Variants in DIS3 observed in about 807,000 individuals in gnomAD.
The protein encoded by DIS3 is exosome complex exonuclease RRP44.
A neutral mutation model predicts 113.0 loss-of-function variants in DIS3; 103 were observed. The observed-to-expected ratio is 0.91, with a 90% confidence interval of 0.78 to 1.07. DIS3 has a LOEUF of 1.07. DIS3 is among the 50% of genes least tolerant of loss of function. The pLI, the probability that DIS3 is intolerant of heterozygous loss-of-function variation, is 0.00. For missense variants in DIS3, 1,121 were observed against 1,167.1 expected, an observed-to-expected ratio of 0.96 and a Z score of 0.58; for synonymous variants, 402 against 394.3, an observed-to-expected ratio of 1.02 and a Z score of -0.23.
intron 14 of DIS3, 87 bp from the exon 15 acceptor site, chr13:72,766,145 G>A (rs1219564096): frequency 1.2e-5 from 13 of 1,127,932 alleles, no homozygotes; most frequent in Non-Finnish European, 8.7e-6. Flanking sequence ...AAAAGACAAT[G>A]ACTACAGCAA....
chr13:72,780,898 C>T lies in DIS3; in HGVS notation c.334G>A (p.Val112Met), dbSNP rs754958177. ...SAPVYKRIRD[V>M]TNNQEKHFYT... ...AAATGCTTCTCTTGGTTATTAGTCA[C>T]ATCTCGGATGCGTTTATATACGGGG... is the stretch of plus-strand genomic sequence containing the variant. Residue 112 changes from valine to methionine, a missense_variant, in exon 2 of 21, where the codon GTG (valine) becomes ATG (methionine). Around this residue, in one of 3 missense-constraint regions of DIS3, gnomAD observed 254 missense variants for 232.2 expected, o/e 1.09. Transcript: ENST00000377767. 1.2e-6 allele frequency: 2 copies of T among 1,612,892 alleles called. No individual in the cohort carries two copies. The highest frequency in any genetic ancestry group is 1.3e-5 in the African/African-American group (1 of 74,690).
chr13:72,781,819 T>C lies in DIS3; in HGVS notation c.14A>G (p.Lys5Arg), dbSNP rs1301502111. 8 of 1,594,934 alleles carry C rather than the reference T, an allele frequency of 5.0e-6. No homozygotes were observed. In the African/African-American group the frequency reaches 5.4e-5, roughly 11 times the overall value. MLKS[K>R]TFLKKTRAGG... is the part of the protein sequence containing the mutation. Reference sequence around the variant, plus strand: ...CGCCCGGGTCTTTTTTAAGAACGTCTTGGACTTGAGCATCTTGCCTCGCCG... The same window carrying C: ...CGCCCGGGTCTTTTTTAAGAACGTCCTGGACTTGAGCATCTTGCCTCGCCG... The change falls in exon 1 of 21, where the codon AAG becomes AGG. Residue 5 changes from lysine (K) to arginine (R), a missense_variant. Coordinates refer to ENST00000377767, the MANE Select transcript of DIS3 (RefSeq NM_014953.5).
Position 72,762,059 on chromosome 13 carries a change from G to C in DIS3, c.2206C>G (p.Leu736Val), listed in dbSNP as rs1663768744. ...GCTAATATTCTCAACAGAGTGTTTA[G>C]ATATGGAAAAGTAGGAGATTCGGCC... Reference protein sequence around the residue: ...DQAESPTFPYLNTLLRILATR... With the variant: ...DQAESPTFPYVNTLLRILATR... The change falls in exon 17 of 21, where the codon CTA becomes GTA. Residue 736 changes from leucine (L) to valine (V), a missense_variant. This residue lies in a region of DIS3 where 861 missense variants were observed against 915.5 expected (regional missense o/e 0.94). Coordinates refer to ENST00000377767, the MANE Select transcript of DIS3 (RefSeq NM_014953.5). 6.2e-7 allele frequency: 1 copy of C among 1,613,980 alleles called. No homozygotes were observed. Among genetic ancestry groups the C allele is most frequent in the African/African-American group, 1.3e-5 (1 of 74,910 alleles).
At chr13:72,779,477 A>G (rs1440760417) in intron 2 of DIS3, among the ~76,000 whole-genome samples, 3 of 151,882 alleles carry the variant, frequency 2.0e-5, no homozygotes, top group Non-Finnish European at 4.4e-5. Flanking sequence ...TTGGTTTTAA[A>G]CTTGGGTCTT....
chr13:72,756,967 C>A lies in DIS3; in HGVS notation c.*2828G>T, dbSNP rs528766579. 6.6e-6 allele frequency: 1 copy of A among 152,256 alleles called. No individual in the cohort carries two copies. The highest frequency in any genetic ancestry group is 1.9e-4 in the East Asian group (1 of 5,180). 9.4% of individuals were successfully genotyped at this position (152,256 alleles called of 1,614,324 possible). A position where few individuals can be genotyped will look rare whatever the true frequency, so the allele number is the denominator to read the frequency against. On this transcript the variant is annotated 3_prime_UTR_variant, in exon 21 of 21. Transcript: ENST00000377767. ...AATGGAGATAACAGTCCTGGCTTAA[C>A]AGGGCTTTTTGAGTTAAGTGATATA...
intron 1 of DIS3, 124 bp downstream of exon 1, chr13:72,781,481 G>A (rs1194601645): frequency 7.0e-7 from 1 of 1,433,702 alleles, no homozygotes; most frequent in Admixed American, 2.7e-5. Context: ...TCGGTCCCGA[G>A]GGGGTTTCCC....
chr13:72,760,456 A>G (rs1042840108), intron 20 of DIS3, 73 bp downstream of exon 20: 14 of 1,581,200 alleles, frequency 8.9e-6, no homozygotes, highest in Admixed American at 5.2e-5. Flanking sequence ...AACAGAAATA[A>G]CTACGTCCCT....
intron 13 of DIS3, among the ~76,000 whole-genome samples, chr13:72,770,379 C>T (rs77997156): frequency 2.1e-3 from 322 of 152,242 alleles, no homozygotes; most frequent in Non-Finnish European, 3.8e-3. Flanking sequence ...AAGACTCTTC[C>T]CCTCCCACCC....
chr13:72,766,159 TG>T, intron 14 of DIS3, 101 bp from the exon 15 acceptor site: 3 of 943,248 alleles, frequency 3.2e-6, no homozygotes, highest in Non-Finnish European at 4.6e-6. Flanking sequence ...ACAGCAAGTG[TG>T]TAATAGTTGC....
chr13:72,754,314 CT>C lies in DIS3; in HGVS notation c.*5480del, dbSNP rs531119727. 960 of 140,944 alleles carry C rather than the reference CT, an allele frequency of 6.8e-3. 1 individual carries two copies. The highest frequency in any genetic ancestry group is 0.011 in the Middle Eastern group (3 of 268). 8.7% of individuals were successfully genotyped at this position (140,944 alleles called of 1,614,324 possible). A position where few individuals can be genotyped will look rare whatever the true frequency, so the allele number is the denominator to read the frequency against. ...GCCTTGTATGCCGTTTCTTTTTTTTCTTTTTTTTTTTTTTTGAGACAGGGTC... is the reference window on the plus strand; with the variant it reads ...GCCTTGTATGCCGTTTCTTTTTTTTCTTTTTTTTTTTTTTGAGACAGGGTC... On this transcript the variant is annotated 3_prime_UTR_variant, in exon 21 of 21. Coordinates refer to ENST00000377767, the MANE Select transcript of DIS3 (RefSeq NM_014953.5).
chr13:72,756,132 T>G lies in DIS3; in HGVS notation c.*3663A>C, dbSNP rs2033463870. ...ATACTATCTTTGGAGAATGTATTTT[T>G]GTATTTATAAATCAACTTTTAAAAA... On this transcript the variant is annotated 3_prime_UTR_variant, in exon 21 of 21. Coordinates refer to ENST00000377767, the MANE Select transcript of DIS3 (RefSeq NM_014953.5). The G allele has an allele frequency of 2.8e-6, 1 of 359,080 alleles. No homozygotes were observed. The highest frequency in any genetic ancestry group is 4.8e-6 in the Non-Finnish European group (1 of 206,470). 22.2% of individuals were successfully genotyped at this position (359,080 alleles called of 1,614,324 possible).
At position 72,756,114 on chromosome 13, in the gene DIS3, CT is replaced by C. The variant is rs1350579119; in HGVS notation, c.*3680del. 1 of 395,676 alleles carries C rather than the reference CT, an allele frequency of 2.5e-6. No individual in the cohort carries two copies. The highest frequency in any genetic ancestry group is 2.1e-5 in the African/African-American group (1 of 48,372). 24.5% of individuals were successfully genotyped at this position (395,676 alleles called of 1,614,324 possible). ...GTATATAACAGTTTGGAAATACTAT[CT>C]TTGGAGAATGTATTTTTGTATTTAT... is the stretch of plus-strand genomic sequence containing the variant. On this transcript the variant is annotated 3_prime_UTR_variant, in exon 21 of 21. Coordinates refer to ENST00000377767, the MANE Select transcript of DIS3 (RefSeq NM_014953.5).
rs1247761952 is a variant in DIS3 at position 72,753,891 on chromosome 13, A to G, written c.*5904T>C. 2.2e-6 allele frequency: 3 copies of G among 1,394,576 alleles called. No individual in the cohort carries two copies. Among genetic ancestry groups the G allele is most frequent in the Admixed American group, 4.1e-5 (2 of 49,374 alleles). The allele number at this position is 1,394,576 out of a possible 1,614,324, so 86.4% of individuals were successfully genotyped here. On this transcript the variant is annotated 3_prime_UTR_variant, in exon 21 of 21. Transcript: ENST00000377767. Reference sequence around the variant, plus strand: ...AATATAAAATAATTTTGATTATTAGACAATAGTACTATTGAGAAACTATAT... The same window carrying G: ...AATATAAAATAATTTTGATTATTAGGCAATAGTACTATTGAGAAACTATAT...
rs1320793625 is a variant in DIS3, at chr13:72,772,815, C to T, written c.1264G>A (p.Asp422Asn). ...PNGHFVRNLGDVGEKETETEV... is the reference protein window; with the variant it reads ...PNGHFVRNLGNVGEKETETEV... The stretch of plus-strand genomic sequence containing the variant: ...GTTTCAGTCTCTTTCTCTCCAACAT[C>T]ACCTAAATTTCTCACAAAGTGTCCC... Residue 422 changes from aspartate (D) to asparagine (N), a missense_variant, in exon 9 of 21, where the codon GAT becomes AAT. This residue lies in a region of DIS3 where 861 missense variants were observed against 915.5 expected (regional missense o/e 0.94). Transcript: ENST00000377767. 6.2e-7 allele frequency: 1 copy of T among 1,605,676 alleles called. No individual in the cohort carries two copies. Among genetic ancestry groups the T allele is most frequent in the Non-Finnish European group, 8.5e-7 (1 of 1,177,528 alleles).
Position 72,757,882 on chromosome 13 carries a change from T to C in DIS3, c.*1913A>G, listed in dbSNP as rs1304845218. 1.5e-5 allele frequency: 3 copies of C among 205,554 alleles called. No homozygotes were observed. Among genetic ancestry groups the C allele is most frequent in the South Asian group, 3.8e-4 (2 of 5,272 alleles). 12.7% of individuals were successfully genotyped at this position (205,554 alleles called of 1,614,324 possible). ...GTAAGATTACAATGGAGCTGAAAAA[T>C]TCCTATTGCCTGGGGACACAGCCAT... On this transcript the variant is annotated 3_prime_UTR_variant, in exon 21 of 21. Coordinates refer to ENST00000377767, the MANE Select transcript of DIS3 (RefSeq NM_014953.5).
chr13:72,778,928 T>C (rs2034088503), intron 2 of DIS3, among the ~76,000 whole-genome samples: 1 of 152,344 alleles, frequency 6.6e-6, no homozygotes, highest in South Asian at 2.1e-4. Context: ...ATTTCTTCTA[T>C]CTAAACTCCC....
chr13:72,771,171 A>G (rs1436439877), intron 11 of DIS3, 26 bp from the exon 12 acceptor site: 4 of 1,585,100 alleles, frequency 2.5e-6, no homozygotes, highest in Admixed American at 1.7e-5. Context: ...ATAGAACCAC[A>G]GATTACTTAG....
At chr13:72,768,686 G>C in intron 14 of DIS3, 99 bp downstream of exon 14, 1 of 861,044 alleles carries the variant, frequency 1.2e-6, no homozygotes, top group South Asian at 2.4e-5. Context: ...GAAGAAACAG[G>C]AGTCTCTATT....
chr13:72,781,031 C>T, intron 1 of DIS3, 28 bp from the exon 2 acceptor site: 2 of 1,578,372 alleles, frequency 1.3e-6, no homozygotes, highest in Non-Finnish European at 8.6e-7. Flanking sequence ...TTAATTTTTC[C>T]TATATTCATT....
Sources: allele counts gnomAD v4.1 joint callset (sites outside exome capture counted in the v4.1 genomes callset), GRCh38; gene constraint gnomAD v4.1.1; regional missense constraint gnomAD v4.1.1; transcripts MANE v1.5; gene names NCBI Gene and HGNC (gene_info 2026-07-23, HGNC 2026-07-21).